The following ST3GAL6 variants were observed in gnomAD, a reference collection of about 807,000 sequenced individuals.
ST3GAL6 encodes the protein type 2 lactosamine alpha-2,3-sialyltransferase.
ST3GAL6 carries 31 observed loss-of-function variants against 40.5 expected under a neutral mutation model. The observed-to-expected ratio is 0.77, with a 90% CI of 0.58 to 1.03. The LOEUF (loss-of-function observed/expected upper bound fraction) is 1.03, where lower values mean the gene tolerates loss of function less well. Among genes scored for constraint, ST3GAL6 ranks in the 50% least tolerant of loss-of-function variants. The pLI, the probability that ST3GAL6 is intolerant of heterozygous loss-of-function variation, is 0.00. For synonymous variants in ST3GAL6, 129 were observed against 136.9 expected, an observed-to-expected ratio of 0.94 and a Z score of 0.40; for missense variants, 357 against 393.2, an observed-to-expected ratio of 0.91 and a Z score of 0.78.
chr3:98,733,655 T>C, intron 1 of ST3GAL6: 1 of 953,964 alleles, frequency 1.0e-6, no homozygotes, highest in Non-Finnish European at 1.2e-6. Context: ...CAACTTGTCA[T>C]TTTGAGGCCG....
At chr3:98,754,740 G>A (rs1937291174) in intron 1 of ST3GAL6, among the ~76,000 whole-genome samples, 2 of 152,170 alleles carry the variant, frequency 1.3e-5, no homozygotes, top group South Asian at 4.1e-4. Flanking sequence ...CCACCAGCCT[G>A]ATAAGTTAGT....
intron 6 of ST3GAL6, among the ~76,000 whole-genome samples, chr3:98,785,604 G>A (rs535981666): frequency 6.6e-6 from 1 of 152,304 alleles, no homozygotes; most frequent in South Asian, 2.1e-4. Context: ...CAGGGGGAGA[G>A]TGGTGGAATT....
upstream of ST3GAL6, among the ~76,000 whole-genome samples, chr3:98,760,622 TA>T (rs1332196399): frequency 1.3e-5 from 2 of 152,162 alleles, no homozygotes; most frequent in African/African-American, 4.8e-5. Context: ...GGCTTTTTTT[TA>T]AACTGAGATA....
At chr3:98,765,853 T>C (rs575122902) in intron 1 of ST3GAL6, among the ~76,000 whole-genome samples, 4 of 152,330 alleles carry the variant, frequency 2.6e-5, no homozygotes, top group African/African-American at 7.2e-5. Context: ...TGTTTTTTTC[T>C]TTGAATGTTT....
intron 3 of ST3GAL6, chr3:98,772,313 T>A (rs1179555833): frequency 6.6e-6 from 1 of 152,488 alleles, no homozygotes; most frequent in Non-Finnish European, 1.5e-5. Flanking sequence ...GGAGCTTTTA[T>A]CTTCAGTGTT....
chr3:98,750,974 A>T (rs1033168473), intron 1 of ST3GAL6, among the ~76,000 whole-genome samples: 2 of 151,874 alleles, frequency 1.3e-5, no homozygotes, highest in African/African-American at 4.8e-5. Flanking sequence ...CCCAGGTGTA[A>T]CTAAATCCCT....
chr3:98,789,755 T>C (rs906148597), intron 8 of ST3GAL6, among the ~76,000 whole-genome samples: 1 of 152,230 alleles, frequency 6.6e-6, no homozygotes, highest in African/African-American at 2.4e-5. Context: ...TTTCACTTCC[T>C]ATATTCCTAA....
intron 1 of ST3GAL6, among the ~76,000 whole-genome samples, chr3:98,743,901 T>TCC (rs1336903740): frequency 1.8e-4 from 16 of 86,972 alleles, no homozygotes; most frequent in African/African-American, 5.0e-4. Context: ...TGTGCCCCCC[T>TCC]CCCCCCCCCG....
intron 1 of ST3GAL6, chr3:98,732,923 GGA>G: frequency 6.6e-7 from 1 of 1,508,444 alleles, no homozygotes; most frequent in Non-Finnish European, 8.8e-7. Context: ...CTCAGGTCTC[GGA>G]GCCCGGTGCG....
intron 5 of ST3GAL6, among the ~76,000 whole-genome samples, chr3:98,776,946 AGGAAGTT>A (rs1164845052): frequency 6.6e-6 from 1 of 152,236 alleles, no homozygotes; most frequent in Non-Finnish European, 1.5e-5. Context: ...GATTGTAAGA[AGGAAGTT>A]CTCCATTTGT....
intron 3 of ST3GAL6, 133 bp downstream of exon 3, chr3:98,771,089 C>T (rs1938936998): frequency 6.6e-7 from 1 of 1,503,978 alleles, no homozygotes; most frequent in Non-Finnish European, 8.9e-7. Flanking sequence ...TAAGGAAGAG[C>T]TTGAATATCC....
At chr3:98,747,861 CTATG>C (rs1936680979) in intron 1 of ST3GAL6, among the ~76,000 whole-genome samples, 1 of 152,072 alleles carries the variant, frequency 6.6e-6, no homozygotes, top group South Asian at 2.1e-4. Context: ...AGGGGACTGA[CTATG>C]TATCAAATCC....
chr3:98,771,288 C>T (rs1559741620), intron 3 of ST3GAL6: 2 of 608,586 alleles, frequency 3.3e-6, no homozygotes, highest in Non-Finnish European at 4.9e-6. Context: ...TTATTTTCCA[C>T]CCTTATTAAT....
intron 1 of ST3GAL6, among the ~76,000 whole-genome samples, chr3:98,755,487 A>G (rs185133076): frequency 6.6e-5 from 10 of 152,294 alleles, no homozygotes; most frequent in Admixed American, 2.6e-4. Context: ...CATTTTTTCT[A>G]GTATAAAGAG....
chr3:98,770,951 G>A lies in ST3GAL6; in HGVS notation c.162G>A (p.Leu54=). Residue 54 remains leucine (L), a synonymous_variant, in exon 3 of 10, where the codon CTG becomes CTA. Transcript: ENST00000483910. The part of the protein sequence containing the change: ...PCLSKPAFAS[L]LRFHQFHPFL... ...TATCAAAGCCAGCTTTTGCCTCTCTGCTGAGGTAAAAATATACCAGAAAAA... is the reference window on the plus strand; with the variant it reads ...TATCAAAGCCAGCTTTTGCCTCTCTACTGAGGTAAAAATATACCAGAAAAA... 1 of 1,613,888 alleles carries A rather than the reference G, an allele frequency of 6.2e-7. No individual in the cohort carries two copies. Among genetic ancestry groups the A allele is most frequent in the Non-Finnish European group, 8.5e-7 (1 of 1,179,836 alleles).
intron 5 of ST3GAL6, among the ~76,000 whole-genome samples, chr3:98,784,025 T>C (rs1338621572): frequency 1.3e-5 from 2 of 152,230 alleles, no homozygotes; most frequent in Non-Finnish European, 2.9e-5. Context: ...ACAGTTTTGC[T>C]ACTCATTGAT....
Position 98,768,449 on chromosome 3 carries a change from G to A in ST3GAL6, c.9G>A (p.Gly3=), listed in dbSNP as rs758645480. The A allele has an allele frequency of 1.2e-6, 2 of 1,613,552 alleles. No individual in the cohort carries two copies. Among genetic ancestry groups the A allele is most frequent in the African/African-American group, 2.7e-5 (2 of 74,874 alleles). MR[G]YLVAIFLSAV... Reference sequence around the variant, plus strand: ...TTTCAGGTGAGCCAGCCATGAGAGGGTATCTTGTGGCCATATTCCTGAGTG... The same window carrying A: ...TTTCAGGTGAGCCAGCCATGAGAGGATATCTTGTGGCCATATTCCTGAGTG... The change falls in exon 2 of 10, where the codon GGG becomes GGA. Residue 3 remains glycine (G), a synonymous_variant. Coordinates refer to ENST00000483910, the MANE Select transcript of ST3GAL6 (RefSeq NM_001323368.2).
At chr3:98,760,729 G>A (rs1454688017), upstream of ST3GAL6, among the ~76,000 whole-genome samples, 2 of 152,154 alleles carry the variant, frequency 1.3e-5, no homozygotes, top group Non-Finnish European at 2.9e-5. Flanking sequence ...CCATGAAAAC[G>A]TATATCCACC....
At chr3:98,752,162 T>C (rs1027351531) in intron 1 of ST3GAL6, among the ~76,000 whole-genome samples, 3 of 152,216 alleles carry the variant, frequency 2.0e-5, no homozygotes, top group African/African-American at 7.2e-5. Flanking sequence ...AAGTTTTATG[T>C]GGCATGGGAG....
Sources: allele counts gnomAD v4.1 joint callset (sites outside exome capture counted in the v4.1 genomes callset), GRCh38; gene constraint gnomAD v4.1.1; transcripts MANE v1.5; gene names NCBI Gene and HGNC (gene_info 2026-07-23, HGNC 2026-07-21).